The following KCNA6 variants were observed in gnomAD, a reference collection of about 807,000 sequenced individuals.
KCNA6 encodes the protein human brain potassium channel-2.
A neutral mutation model predicts 29.5 loss-of-function variants in KCNA6; 17 were observed. That is an observed-to-expected ratio of 0.58 (90% CI 0.39 to 0.86). The LOEUF (loss-of-function observed/expected upper bound fraction) is 0.86, where lower values mean the gene tolerates loss of function less well. Ranked by LOEUF, KCNA6 falls within the 40% of genes least tolerant of loss-of-function variation. KCNA6 has a pLI of 0.00. For missense variants in KCNA6, 450 were observed against 703.4 expected (o/e 0.64, Z 4.07); for synonymous variants, 296 against 304.7 (o/e 0.97, Z 0.30).
chr12:4,811,027 G>T lies in KCNA6; in HGVS notation c.986G>T (p.Gly329Val). Reference sequence around the variant, plus strand: ...CAGCAACCAGCCAGTGGAGGAGGCGGCCAGAATGGGCAGCAGGCCATGTCC... The same window carrying T: ...CAGCAACCAGCCAGTGGAGGAGGCGTCCAGAATGGGCAGCAGGCCATGTCC... Residue 329 changes from glycine (G) to valine (V), a missense_variant, in exon 1 of 1, where the codon GGC (glycine) becomes GTC (valine). Coordinates refer to ENST00000280684, the Ensembl canonical transcript of KCNA6. This position sits in a 1 kb window ranked among gnomAD's most constrained non-coding sequence, Gnocchi z 7.1. 4 of 1,614,198 alleles carry T rather than the reference G, an allele frequency of 2.5e-6. No individual in the cohort carries two copies. The highest frequency in any genetic ancestry group is 3.4e-6 in the Non-Finnish European group (4 of 1,180,048).
At position 4,811,257 on chromosome 12, in the gene KCNA6, T is replaced by C. The variant is rs750587599; in HGVS notation, c.1216T>C (p.Phe406Leu). The change falls in exon 1 of 1, where the codon TTT becomes CTT. Residue 406 changes from phenylalanine to leucine, a missense_variant. Phe to Leu is a conservative substitution (Grantham distance 22). Around this residue, in one of 7 missense-constraint regions of KCNA6, gnomAD observed 57 missense variants for 140.3 expected, o/e 0.41. Coordinates refer to ENST00000280684, the Ensembl canonical transcript of KCNA6. The surrounding 1 kb of genome is among the most constrained non-coding windows in gnomAD (Gnocchi z 7.1). ...AGAGGCTGACGATGACGATTCGCTT[T>C]TTCCCAGCATCCCGGATGCCTTCTG... 6.2e-7 allele frequency: 1 copy of C among 1,614,224 alleles called. No individual in the cohort carries two copies.
the KCNA6 span, among the ~76,000 whole-genome samples, chr12:4,848,430 G>T: frequency 6.7e-6 from 1 of 150,106 alleles, no homozygotes; most frequent in Non-Finnish European, 1.5e-5. Flanking sequence ...CCACTATTCT[G>T]ATTTATTTGT....
the KCNA6 span, among the ~76,000 whole-genome samples, chr12:4,826,451 A>C: frequency 6.6e-6 from 1 of 152,218 alleles, no homozygotes; most frequent in Non-Finnish European, 1.5e-5. Flanking sequence ...TTTTCTGTAC[A>C]TCTTGAGCCA....
the KCNA6 span, among the ~76,000 whole-genome samples, chr12:4,818,502 TAC>T: frequency 6.6e-6 from 1 of 152,210 alleles, no homozygotes; most frequent in African/African-American, 2.4e-5. Context: ...TTAATGTATG[TAC>T]AGTGTTTAAA....
chr12:4,815,976 G>T (rs1343907292), downstream of KCNA6, among the ~76,000 whole-genome samples: 1 of 152,190 alleles, frequency 6.6e-6, no homozygotes, highest in Non-Finnish European at 1.5e-5. Context: ...ATGCTGTGAA[G>T]CAGGATTGTG....
the KCNA6 span, among the ~76,000 whole-genome samples, chr12:4,822,429 A>G: frequency 7.2e-5 from 11 of 152,140 alleles, no homozygotes; most frequent in Non-Finnish European, 1.2e-4. Flanking sequence ...CAAAAAAGAA[A>G]TGAGAGCAGA....
chr12:4,821,692 G>A, the KCNA6 span, among the ~76,000 whole-genome samples: 1 of 152,156 alleles, frequency 6.6e-6, no homozygotes, highest in Non-Finnish European at 1.5e-5. Context: ...AAAAGCAAAG[G>A]TCTGGGCTTG....
the KCNA6 span, among the ~76,000 whole-genome samples, chr12:4,835,560 C>T: frequency 1.3e-5 from 2 of 152,046 alleles, no homozygotes; most frequent in African/African-American, 4.8e-5. Context: ...GCAGACACTC[C>T]CTATAGGGCT....
the KCNA6 span, among the ~76,000 whole-genome samples, chr12:4,828,853 G>T: frequency 5.3e-5 from 8 of 152,314 alleles, no homozygotes; most frequent in South Asian, 1.7e-3. Flanking sequence ...CTGGGGTCCT[G>T]TTACCTGGGA....
chr12:4,822,955 G>A, the KCNA6 span, among the ~76,000 whole-genome samples: 3 of 152,222 alleles, frequency 2.0e-5, no homozygotes, highest in African/African-American at 7.2e-5. Context: ...CTAAATGGCC[G>A]TAGATTTGGA....
the KCNA6 span, among the ~76,000 whole-genome samples, chr12:4,823,631 G>A: frequency 3.9e-5 from 6 of 152,258 alleles, no homozygotes; most frequent in South Asian, 1.0e-3. Flanking sequence ...GCCAGGTGTG[G>A]TGGCAGATTT....
At chr12:4,818,041 A>G (rs1946698418), downstream of KCNA6, among the ~76,000 whole-genome samples, 1 of 152,178 alleles carries the variant, frequency 6.6e-6, no homozygotes, top group African/African-American at 2.4e-5. Flanking sequence ...GGAGACAGAC[A>G]AACCTGCTCT....
chr12:4,833,932 T>G, the KCNA6 span, among the ~76,000 whole-genome samples: 1 of 8,924 alleles, frequency 1.1e-4, no homozygotes, highest in East Asian at 4.2e-3. Flanking sequence ...TTAAATTAAA[T>G]TTTTTTTTTT....
the KCNA6 span, chr12:4,851,096 C>T: frequency 4.4e-6 from 1 of 227,118 alleles, no homozygotes; most frequent in South Asian, 5.2e-5. Context: ...GGCAAATAAA[C>T]ACAAGGCAAA....
chr12:4,841,370 T>C, the KCNA6 span, among the ~76,000 whole-genome samples: 3 of 152,014 alleles, frequency 2.0e-5, no homozygotes, highest in Non-Finnish European at 4.4e-5. Flanking sequence ...TTTTTGGCAG[T>C]TTTTTTGTCC....
chr12:4,841,144 T>A, the KCNA6 span, among the ~76,000 whole-genome samples: 1 of 152,186 alleles, frequency 6.6e-6, no homozygotes, highest in Non-Finnish European at 1.5e-5. Context: ...GTGCTCAACA[T>A]TGGATGTTCA....
chr12:4,832,750 A>T, the KCNA6 span, among the ~76,000 whole-genome samples: 1 of 151,930 alleles, frequency 6.6e-6, no homozygotes, highest in Non-Finnish European at 1.5e-5. Flanking sequence ...TCTCCTCATG[A>T]CTCGAAATCC....
chr12:4,835,134 A>ATTTTTT, the KCNA6 span, among the ~76,000 whole-genome samples: 134 of 136,302 alleles, frequency 9.8e-4, 1 homozygote, highest in African/African-American at 3.7e-3. Context: ...ACAGAGAATG[A>ATTTTTT]TTTTTTTTTT....
chr12:4,847,438 T>C, the KCNA6 span, among the ~76,000 whole-genome samples: 2 of 152,140 alleles, frequency 1.3e-5, no homozygotes, highest in Admixed American at 1.3e-4. Flanking sequence ...CAAATTTCCT[T>C]ATTTTTTCTC....
Sources: gnomAD v4.1 joint callset for allele counts (sites outside exome capture counted in the v4.1 genomes callset) on GRCh38, gnomAD v4.1.1 for gene constraint, gnomAD v4.1.1 regional missense constraint, Gnocchi (gnomAD v3.1) non-coding constraint, MANE v1.5 for transcripts, NCBI Gene and HGNC (gene_info 2026-07-23, HGNC 2026-07-21) for gene names.